Variants in ATP6V1H observed in about 807,000 individuals in gnomAD.
The protein encoded by ATP6V1H is ATPase H+ transporting V1 subunit H, also known as V-type proton ATPase subunit H.
In ATP6V1H, 39 loss-of-function variants were observed where a neutral mutation model predicts 71.7. The observed-to-expected ratio is 0.54, with a 90% CI of 0.42 to 0.71. The LOEUF is 0.71. Among genes scored for constraint, ATP6V1H ranks in the 30% least tolerant of loss-of-function variants. ATP6V1H has a pLI of 0.00. For missense variants in ATP6V1H, 509 were observed against 594.9 expected, an observed-to-expected ratio of 0.86 and a Z score of 1.50; for synonymous variants, 192 against 199.3, an observed-to-expected ratio of 0.96 and a Z score of 0.31.
intron 7 of ATP6V1H, 25 bp downstream of exon 7, chr8:53,811,139 T>C: frequency 6.2e-7 from 1 of 1,605,428 alleles, no homozygotes; most frequent in Non-Finnish European, 8.5e-7. Context: ...TGGGGATGTT[T>C]AGGCCAGTGA....
intron 11 of ATP6V1H, 26 bp downstream of exon 11, chr8:53,769,592 A>G: frequency 6.3e-7 from 1 of 1,599,222 alleles, no homozygotes; most frequent in Non-Finnish European, 8.5e-7. Context: ...AGATATTAAG[A>G]GTGTAAAGTA....
At chr8:53,790,248 T>C (rs1809525244) in intron 9 of ATP6V1H, among the ~76,000 whole-genome samples, 1 of 152,226 alleles carries the variant, frequency 6.6e-6, no homozygotes, top group South Asian at 2.1e-4. Flanking sequence ...TTTCATTGGA[T>C]GGCAATTCCC....
chr8:53,752,846 A>C (rs1186155437), intron 12 of ATP6V1H, among the ~76,000 whole-genome samples: 1 of 152,232 alleles, frequency 6.6e-6, no homozygotes, highest in Non-Finnish European at 1.5e-5. Context: ...TACCGCACCC[A>C]GCGATCCTTT....
chr8:53,771,401 T>C (rs968278237), intron 10 of ATP6V1H, among the ~76,000 whole-genome samples: 1 of 151,950 alleles, frequency 6.6e-6, no homozygotes, highest in Non-Finnish European at 1.5e-5. Context: ...TCCAAAAGAA[T>C]ATGCAGAGCC....
At chr8:53,832,310 C>A (rs1422920903) in intron 3 of ATP6V1H, 1 of 151,944 alleles carries the variant, frequency 6.6e-6, no homozygotes, top group East Asian at 1.9e-4. Flanking sequence ...TAACTTTTTT[C>A]TTTTGCTTAA....
At chr8:53,831,359 A>C (rs952247591) in intron 3 of ATP6V1H, among the ~76,000 whole-genome samples, 10 of 152,230 alleles carry the variant, frequency 6.6e-5, no homozygotes, top group African/African-American at 2.4e-4. Context: ...AATAGTAAGT[A>C]TGTGTGTGTC....
intron 13 of ATP6V1H, among the ~76,000 whole-genome samples, chr8:53,728,536 C>T (rs911350101): frequency 2.0e-5 from 3 of 152,148 alleles, no homozygotes; most frequent in African/African-American, 7.2e-5. Flanking sequence ...TACATTTCTC[C>T]TGTGTTGCTC....
intron 7 of ATP6V1H, among the ~76,000 whole-genome samples, chr8:53,808,538 C>T (rs530888058): frequency 1.3e-5 from 2 of 152,142 alleles, no homozygotes; most frequent in African/African-American, 4.8e-5. Flanking sequence ...AAGGCCAAGG[C>T]GGGTAGATTG....
chr8:53,771,787 T>A (rs947098689), intron 10 of ATP6V1H, among the ~76,000 whole-genome samples: 1 of 152,162 alleles, frequency 6.6e-6, no homozygotes, highest in Non-Finnish European at 1.5e-5. Flanking sequence ...AGTGGGAATC[T>A]CCGTAAATAA....
intron 11 of ATP6V1H, among the ~76,000 whole-genome samples, chr8:53,760,831 T>C (rs961093541): frequency 2.6e-5 from 4 of 152,164 alleles, no homozygotes; most frequent in African/African-American, 7.2e-5. Flanking sequence ...TAGGCACAAC[T>C]GGCCACCATT....
intron 13 of ATP6V1H, among the ~76,000 whole-genome samples, chr8:53,725,865 T>C (rs777052378): frequency 1.3e-5 from 2 of 152,140 alleles, no homozygotes; most frequent in Non-Finnish European, 2.9e-5. Context: ...AGTTTCAAAC[T>C]GCATGTTAAT....
chr8:53,799,323 AAGTT>A lies in ATP6V1H; in HGVS notation c.677+2472_677+2475del, dbSNP rs1242290912. Among the ~76,000 whole-genome samples the A allele has an allele frequency of 5.3e-5, 8 of 152,336 alleles. No homozygotes were observed. In the South Asian group the frequency reaches 1.0e-3, roughly 20 times the overall value. ...GAAATCAAAGACTAAAATAATAAGA[AAGTT>A]AGAGATTGATGGAATCACCTAGGAA... On this transcript the variant is annotated intron_variant, in intron 8 of 13. Coordinates refer to ENST00000359530, the MANE Select transcript of ATP6V1H (RefSeq NM_015941.4).
chr8:53,810,695 G>A (rs1251575661), intron 7 of ATP6V1H, among the ~76,000 whole-genome samples: 1 of 152,150 alleles, frequency 6.6e-6, no homozygotes, highest in Non-Finnish European at 1.5e-5. Flanking sequence ...AGCTGAGATT[G>A]TGCCACTGCA....
At chr8:53,820,223 G>C (rs1810601466) in intron 4 of ATP6V1H, among the ~76,000 whole-genome samples, 1 of 151,944 alleles carries the variant, frequency 6.6e-6, no homozygotes, top group Non-Finnish European at 1.5e-5. Flanking sequence ...TGGTAGACCA[G>C]AGCACGAGCT....
intron 12 of ATP6V1H, among the ~76,000 whole-genome samples, chr8:53,749,077 T>C (rs535079289): frequency 2.6e-5 from 4 of 152,362 alleles, no homozygotes; most frequent in South Asian, 4.1e-4. Context: ...GGTGGCTCTT[T>C]TGAGAAGTTC....
In ATP6V1H at chr8:53,832,978, C is replaced by G. The variant is rs6991513; in HGVS notation, c.216+6G>C. 0.79 allele frequency: 1,260,509 copies of G among 1,596,796 alleles called. 499,797 individuals are homozygous for G. The highest frequency in any genetic ancestry group is 0.96 in the African/African-American group (71,844 of 74,624). On this transcript the variant is annotated splice_donor_region_variant and intron_variant, in intron 3 of 13. Transcript: ENST00000359530. The stretch of plus-strand genomic sequence containing the variant: ...AAGTGTTCATTATATAATGTTTATT[C>G]ATCACCTGGCTGCCTTCAGTTTGAA...
chr8:53,840,511 A>T (rs1402623890), intron 2 of ATP6V1H, among the ~76,000 whole-genome samples: 1 of 152,022 alleles, frequency 6.6e-6, no homozygotes, highest in Admixed American at 6.6e-5. Flanking sequence ...AAAAAAAAAA[A>T]ATAGTGAATT....
intron 7 of ATP6V1H, among the ~76,000 whole-genome samples, chr8:53,806,381 T>C (rs2130449440): frequency 6.6e-6 from 1 of 152,226 alleles, no homozygotes; most frequent in East Asian, 1.9e-4. Context: ...TCTCTTGAAG[T>C]TGGCTGATTA....
intron 12 of ATP6V1H, among the ~76,000 whole-genome samples, chr8:53,750,145 G>A (rs879599974): frequency 3.3e-5 from 5 of 152,132 alleles, no homozygotes; most frequent in Admixed American, 3.3e-4. Context: ...TTTTATTTTT[G>A]TGTCATTGCA....
Sources: allele counts gnomAD v4.1 joint callset (sites outside exome capture counted in the v4.1 genomes callset), GRCh38; gene constraint gnomAD v4.1.1; transcripts MANE v1.5; gene names NCBI Gene and HGNC (gene_info 2026-07-23, HGNC 2026-07-21).